Variants in NID2 observed in about 807,000 individuals in gnomAD.
NID2 encodes the protein nidogen 2, also known as nidogen-2.
In NID2, 83 loss-of-function variants were observed where a neutral mutation model predicts 145.4. The observed-to-expected ratio is 0.57, with a 90% CI of 0.48 to 0.69. NID2 has a LOEUF of 0.69. Among genes scored for constraint, NID2 ranks in the 30% least tolerant of loss-of-function variants. NID2 has a pLI of 0.00. For missense variants in NID2, 1,807 were observed against 1,765.7 expected (o/e 1.02, Z -0.42); for synonymous variants, 739 against 701.3 (o/e 1.05, Z -0.85).
At chr14:52,010,812 TA>T in intron 18 of NID2, 63 bp downstream of exon 18, 1 of 1,533,516 alleles carries the variant, frequency 6.5e-7, no homozygotes, top group South Asian at 1.2e-5. Context: ...ACATTGTATT[TA>T]AAACCCAAGG....
chr14:52,006,474 CAAG>C (rs1890787141), intron 20 of NID2, 60 bp downstream of exon 20: 2 of 1,590,514 alleles, frequency 1.3e-6, no homozygotes, highest in Non-Finnish European at 1.7e-6. Context: ...TTTGGTAAAA[CAAG>C]TGGTGTGTCC....
intron 9 of NID2, among the ~76,000 whole-genome samples, chr14:52,033,120 C>A (rs2140385918): frequency 6.6e-6 from 1 of 152,320 alleles, no homozygotes; most frequent in East Asian, 1.9e-4. Context: ...GACTTGTAAG[C>A]TTTTCTCCTA....
chr14:52,014,089 G>C, intron 16 of NID2, 198 bp downstream of exon 16: 1 of 671,990 alleles, frequency 1.5e-6, no homozygotes, highest in South Asian at 1.7e-5. Context: ...GCACAGCCTT[G>C]GTCAGTGACA....
intron 19 of NID2, chr14:52,007,209 A>G (rs1353702504): frequency 1.3e-5 from 2 of 154,130 alleles, no homozygotes; most frequent in Non-Finnish European, 2.9e-5. Context: ...TTAAATTTCA[A>G]ATCCTTTTAA....
At chr14:52,030,515 GA>G (rs11308749) in intron 9 of NID2, among the ~76,000 whole-genome samples, 7,889 of 46,874 alleles carry the variant, frequency 0.17, 469 homozygotes, top group East Asian at 0.38. Flanking sequence ...AAGAAAGAAA[GA>G]AAAGAAAGAA....
chr14:52,015,321 G>C, intron 14 of NID2, 46 bp from the exon 15 acceptor site: 3 of 1,540,300 alleles, frequency 1.9e-6, no homozygotes, highest in Admixed American at 1.8e-5. Flanking sequence ...TTGATTGTGA[G>C]TCAAGGACAG....
At chr14:52,065,529 G>T (rs1893169013) in intron 2 of NID2, among the ~76,000 whole-genome samples, 1 of 104,456 alleles carries the variant, frequency 9.6e-6, no homozygotes, top group Non-Finnish European at 1.8e-5. Context: ...TATACTCTAA[G>T]TTTTAGGGTA....
Position 52,019,677 on chromosome 14 carries a change from C to T in NID2, c.2794+382G>A, listed in dbSNP as rs1009643415. ...GGCACTCACCACTCACGAGACTGCACCAAGCTAGCCAAGCTCCTCTAACAC... is the reference window on the plus strand; with the variant it reads ...GGCACTCACCACTCACGAGACTGCATCAAGCTAGCCAAGCTCCTCTAACAC... On this transcript the variant is annotated intron_variant, in intron 13 of 21. Transcript: ENST00000216286. Among the ~76,000 whole-genome samples the T allele has an allele frequency of 1.3e-5, 2 of 152,306 alleles. 1 individual carries two copies. The highest frequency in any genetic ancestry group is 4.1e-4 in the South Asian group (2 of 4,828).
At chr14:52,005,708 A>G (rs767208547) in intron 21 of NID2, 29 bp downstream of exon 21, 1 of 1,557,418 alleles carries the variant, frequency 6.4e-7, no homozygotes. Context: ...CTGCTAATTT[A>G]AAGGAGCATC....
At chr14:52,061,319 A>T (rs1389716479) in intron 2 of NID2, among the ~76,000 whole-genome samples, 1 of 152,132 alleles carries the variant, frequency 6.6e-6, no homozygotes, top group East Asian at 1.9e-4. Flanking sequence ...GTGAGCATTC[A>T]CCTCATTATG....
At chr14:52,006,712 GATAGTGAC>G (rs752752416) in intron 19 of NID2, 52 bp from the exon 20 acceptor site, 1 of 1,599,900 alleles carries the variant, frequency 6.3e-7, no homozygotes, top group Non-Finnish European at 8.6e-7. Flanking sequence ...TGCCAAAAAT[GATAGTGAC>G]ATAGTGATAG....
At chr14:52,051,011 AG>A (rs1892660963) in intron 5 of NID2, among the ~76,000 whole-genome samples, 1 of 152,184 alleles carries the variant, frequency 6.6e-6, no homozygotes, top group Non-Finnish European at 1.5e-5. Flanking sequence ...AAACGACCAG[AG>A]CTCCCTGGAA....
intron 12 of NID2, among the ~76,000 whole-genome samples, chr14:52,026,536 G>C (rs1566752163): frequency 6.6e-6 from 1 of 152,224 alleles, no homozygotes; most frequent in Non-Finnish European, 1.5e-5. Flanking sequence ...TGTGATTTAA[G>C]ATTTATTTAA....
chr14:52,029,195 T>G (rs984541502), intron 10 of NID2, among the ~76,000 whole-genome samples: 1 of 152,216 alleles, frequency 6.6e-6, no homozygotes, highest in African/African-American at 2.4e-5. Flanking sequence ...AGACACACAA[T>G]GTCTGTCTAA....
chr14:52,068,907 C>T lies in NID2; in HGVS notation c.88G>A (p.Ala30Thr), dbSNP rs975023589. 20 of 1,614,070 alleles carry T rather than the reference C, an allele frequency of 1.2e-5. No homozygotes were observed. Among genetic ancestry groups the T allele is most frequent in the Non-Finnish European group, 1.7e-5 (20 of 1,180,020 alleles). ...GGGAAGAGCTCGTCTGGGTGCAGCG[C>T]CGCGGCCCGCAACATTAGCAACGGC... ...LLPLLMLRAA[A>T]LHPDELFPHG... is the part of the protein sequence containing the mutation. The change falls in exon 1 of 22, where the codon GCG becomes ACG. Residue 30 changes from alanine (A) to threonine (T), a missense_variant. Ala to Thr is a moderately conservative substitution (Grantham distance 58). Transcript: ENST00000216286.
intron 3 of NID2, among the ~76,000 whole-genome samples, chr14:52,057,020 G>A (rs1319089452): frequency 6.6e-6 from 1 of 152,074 alleles, no homozygotes; most frequent in Non-Finnish European, 1.5e-5. Flanking sequence ...CAATTGACTA[G>A]GAAAATAACT....
chr14:52,030,141 C>G (rs1295837936), intron 9 of NID2, among the ~76,000 whole-genome samples: 6 of 152,166 alleles, frequency 3.9e-5, no homozygotes, highest in African/African-American at 1.4e-4. Flanking sequence ...ACTCCAACTT[C>G]CTGGTTCTAA....
At chr14:52,023,468 A>G (rs1891472860) in intron 12 of NID2, among the ~76,000 whole-genome samples, 1 of 151,734 alleles carries the variant, frequency 6.6e-6, no homozygotes, top group South Asian at 2.1e-4. Flanking sequence ...AAATAAATAA[A>G]TAAATAAAAA....
intron 5 of NID2, among the ~76,000 whole-genome samples, chr14:52,049,314 T>C (rs1892610368): frequency 6.6e-6 from 1 of 151,480 alleles, no homozygotes; most frequent in Non-Finnish European, 1.5e-5. Context: ...TAACTAGGAG[T>C]TCGTAACAAA....
Sources: allele counts gnomAD v4.1 joint callset (sites outside exome capture counted in the v4.1 genomes callset), GRCh38; gene constraint gnomAD v4.1.1; transcripts MANE v1.5; gene names NCBI Gene and HGNC (gene_info 2026-07-23, HGNC 2026-07-21).